KIF27: variants seen among roughly 807,000 people sequenced by gnomAD.
KIF27 encodes kinesin-like protein KIF27.
Under a neutral mutation model 141.8 loss-of-function variants are expected in KIF27, and 84 were observed. The observed-to-expected ratio is 0.59, with a 90% CI of 0.50 to 0.71. The LOEUF is 0.71. Among genes scored for constraint, KIF27 ranks in the 30% least tolerant of loss-of-function variants. The probability of loss-of-function intolerance (pLI) is 0.00; values close to 1 mark genes in which losing one functional copy is unlikely to be tolerated. For synonymous variants in KIF27, 471 were observed against 569.5 expected, an observed-to-expected ratio of 0.83 and a Z score of 2.46; for missense variants, 1,306 against 1,628.4, an observed-to-expected ratio of 0.80 and a Z score of 3.41.
chr9:83,897,984 G>T (rs1953447972), intron 5 of KIF27, among the ~76,000 whole-genome samples: 1 of 152,102 alleles, frequency 6.6e-6, no homozygotes, highest in African/African-American at 2.4e-5. Context: ...ATGCTCACAT[G>T]GAATAGTGAG....
Position 83,916,703 on chromosome 9 carries a change from G to A in KIF27, c.-87-1025C>T, listed in dbSNP as rs945623330. On this transcript the variant is annotated intron_variant, in intron 1 of 17. Coordinates refer to ENST00000297814, the MANE Select transcript of KIF27 (RefSeq NM_017576.4). The stretch of plus-strand genomic sequence containing the variant: ...TTTTGAGACGGAGTCTCGCTCTGTC[G>A]CTCAGGCTGGAGTGCAGTGGCGCGA... Among the ~76,000 whole-genome samples, 22 of 139,554 alleles carry A rather than the reference G, an allele frequency of 1.6e-4. No homozygotes were observed. The East Asian group carries it at 2.3e-3, about 14-fold the overall frequency. 91.6% of individuals were successfully genotyped at this position (139,554 alleles called of 152,430 possible).
chr9:83,908,679 T>A (rs753328429), intron 2 of KIF27, 27 bp from the exon 3 acceptor site: 1 of 1,461,730 alleles, frequency 6.8e-7, no homozygotes, highest in Non-Finnish European at 9.3e-7. Context: ...AGAAAGCACA[T>A]CTGGAACTTA....
At chr9:83,913,315 C>T (rs1417252804) in intron 2 of KIF27, among the ~76,000 whole-genome samples, 2 of 152,198 alleles carry the variant, frequency 1.3e-5, no homozygotes, top group African/African-American at 4.8e-5. Flanking sequence ...AATAAATATT[C>T]ACTGGAGGGG....
At chr9:83,866,958 C>CCCA (rs1554775721) in intron 13 of KIF27, among the ~76,000 whole-genome samples, 1 of 140,422 alleles carries the variant, frequency 7.1e-6, no homozygotes, top group Admixed American at 7.1e-5. Context: ...ACCCCCCCCC[C>CCCA]AAAAAAAGAA....
At chr9:83,845,703 T>C (rs1021895277) in intron 16 of KIF27, among the ~76,000 whole-genome samples, 9 of 152,356 alleles carry the variant, frequency 5.9e-5, no homozygotes, top group African/African-American at 1.7e-4. Flanking sequence ...CACCTGGTTG[T>C]GCACTTTGCA....
At chr9:83,885,948 TG>T (rs1026323713) in intron 9 of KIF27, among the ~76,000 whole-genome samples, 2 of 111,492 alleles carry the variant, frequency 1.8e-5, no homozygotes, top group Non-Finnish European at 3.5e-5. Flanking sequence ...TTTTTTGTGT[TG>T]TTTTTTTTTT....
Position 83,903,723 on chromosome 9 carries a change from A to C in KIF27, c.795T>G (p.Ile265Met). 1 of 1,614,184 alleles carries C rather than the reference A, an allele frequency of 6.2e-7. No homozygotes were observed. The highest frequency in any genetic ancestry group is 8.5e-7 in the Non-Finnish European group (1 of 1,180,034). The change falls in exon 4 of 18, where the codon ATT becomes ATG. Residue 265 changes from isoleucine (I) to methionine (M), a missense_variant. Transcript: ENST00000297814. ...AAGCCAGCAATCCACTATTGATTTGAATGGATTCTTTGAACCGTTCACCAG... is the reference window on the plus strand; with the variant it reads ...AAGCCAGCAATCCACTATTGATTTGCATGGATTCTTTGAACCGTTCACCAG... ...GNTGERFKES[I>M]QINSGLLALG...
intron 1 of KIF27, 70 bp from the exon 2 acceptor site, chr9:83,915,748 T>C (rs913554730): frequency 2.5e-5 from 16 of 635,814 alleles, no homozygotes; most frequent in Admixed American, 1.6e-4. Context: ...AACCACCTTC[T>C]AAAGCAAAGT....
chr9:83,868,496 C>A (rs983343077), intron 12 of KIF27: 2 of 151,828 alleles, frequency 1.3e-5, no homozygotes, highest in Admixed American at 6.6e-5. Flanking sequence ...AGAAAAAAAA[C>A]AAAAATAAAA....
intron 17 of KIF27, among the ~76,000 whole-genome samples, chr9:83,839,197 A>G (rs1311516863): frequency 2.0e-5 from 3 of 152,180 alleles, no homozygotes; most frequent in Non-Finnish European, 4.4e-5. Context: ...AGGTGACAGT[A>G]TCTGGGGGAA....
intron 15 of KIF27, among the ~76,000 whole-genome samples, chr9:83,851,548 G>A (rs1256419989): frequency 1.3e-5 from 2 of 152,106 alleles, no homozygotes; most frequent in African/African-American, 4.8e-5. Context: ...CGTAGAGACG[G>A]TCTCACTATG....
At chr9:83,888,170 CA>C (rs1035603738) in intron 8 of KIF27, among the ~76,000 whole-genome samples, 3 of 141,290 alleles carry the variant, frequency 2.1e-5, no homozygotes, top group African/African-American at 5.3e-5. Flanking sequence ...ACACCTAGTA[CA>C]ATTATTTATA....
At chr9:83,906,119 CAAT>C (rs1954498067) in intron 3 of KIF27, among the ~76,000 whole-genome samples, 1 of 152,078 alleles carries the variant, frequency 6.6e-6, no homozygotes, top group Non-Finnish European at 1.5e-5. Context: ...TGAAAACATT[CAAT>C]AATTGTATTC....
At chr9:83,898,909 T>C (rs1418941722) in intron 5 of KIF27, 1 of 152,550 alleles carries the variant, frequency 6.6e-6, no homozygotes, top group African/African-American at 2.4e-5. Flanking sequence ...TGAGCTGTGA[T>C]TGTGCCAGTG....
chr9:83,842,458 G>C, intron 16 of KIF27, 57 bp from the exon 17 acceptor site: 1 of 1,454,888 alleles, frequency 6.9e-7, no homozygotes, highest in Non-Finnish European at 9.0e-7. Context: ...GCAAAATTAT[G>C]TTTTTGTTTG....
chr9:83,920,764 T>C (rs1220016127), intron 1 of KIF27, among the ~76,000 whole-genome samples: 5 of 152,144 alleles, frequency 3.3e-5, no homozygotes, highest in Admixed American at 2.6e-4. Context: ...CTTTGCTCTT[T>C]ATAGTCACCT....
chr9:83,913,280 G>A (rs1057267759), intron 2 of KIF27, among the ~76,000 whole-genome samples: 11 of 152,074 alleles, frequency 7.2e-5, no homozygotes, highest in Admixed American at 4.6e-4. Context: ...TGCCCAGCAC[G>A]GTAACCTAGA....
At chr9:83,890,297 G>A (rs1364183524) in intron 6 of KIF27, among the ~76,000 whole-genome samples, 4 of 152,100 alleles carry the variant, frequency 2.6e-5, no homozygotes, top group Non-Finnish European at 5.9e-5. Flanking sequence ...ATAGATGGGC[G>A]TAAAGTTTTT....
At chr9:83,914,290 G>A (rs1049710370) in intron 2 of KIF27, among the ~76,000 whole-genome samples, 4 of 150,842 alleles carry the variant, frequency 2.7e-5, no homozygotes, top group African/African-American at 4.9e-5. Flanking sequence ...ATTGTAAGAC[G>A]CTGAAACAAT....
Sources: allele counts gnomAD v4.1 joint callset (sites outside exome capture counted in the v4.1 genomes callset), GRCh38; gene constraint gnomAD v4.1.1; transcripts MANE v1.5; gene names NCBI Gene and HGNC (gene_info 2026-07-23, HGNC 2026-07-21).